CSMD1: variants seen among roughly 807,000 people sequenced by gnomAD.
The protein encoded by CSMD1 is CUB and sushi domain-containing protein 1.
A neutral mutation model predicts 417.5 loss-of-function variants in CSMD1; 213 were observed. The observed-to-expected ratio is 0.51, with a 90% confidence interval of 0.46 to 0.57. The LOEUF (loss-of-function observed/expected upper bound fraction) is 0.57. CSMD1 is among the 20% of genes least tolerant of loss of function. The pLI is 0.00. For synonymous variants in CSMD1, 2,862 were observed against 1,736.8 expected (o/e 1.65, Z -16.11); for missense variants, 6,923 against 4,529.7 (o/e 1.53, Z -15.17).
intron 2 of CSMD1, among the ~76,000 whole-genome samples, chr8:4,487,039 T>C (rs1404901409): frequency 6.6e-6 from 1 of 152,298 alleles, no homozygotes; most frequent in East Asian, 1.9e-4. Context: ...TGAAGAGAAT[T>C]GTAATATCTT....
At chr8:3,428,277 A>T (rs1453099931) in intron 12 of CSMD1, among the ~76,000 whole-genome samples, 2 of 152,176 alleles carry the variant, frequency 1.3e-5, no homozygotes, top group South Asian at 2.1e-4. Context: ...GAAAACAAAC[A>T]AACGGCTCTG....
intron 1 of CSMD1, among the ~76,000 whole-genome samples, chr8:4,647,229 G>A (rs1393301552): frequency 4.8e-5 from 7 of 144,770 alleles, no homozygotes; most frequent in East Asian, 2.1e-4. Context: ...CCAGTTTGCT[G>A]TTTCTATTTT....
At chr8:3,031,692 C>G (rs1292546316) in intron 50 of CSMD1, among the ~76,000 whole-genome samples, 1 of 151,892 alleles carries the variant, frequency 6.6e-6, no homozygotes, top group Admixed American at 6.6e-5. Flanking sequence ...GCCGCTGCAC[C>G]CAGCCAAAAA....
chr8:3,475,107 G>C (rs1289316704), intron 11 of CSMD1, among the ~76,000 whole-genome samples: 2 of 152,092 alleles, frequency 1.3e-5, no homozygotes, highest in Admixed American at 1.3e-4. Flanking sequence ...TGTATGGACT[G>C]TCAACTCTTC....
At chr8:3,565,684 G>C (rs1046989774) in intron 10 of CSMD1, among the ~76,000 whole-genome samples, 1 of 152,130 alleles carries the variant, frequency 6.6e-6, no homozygotes, top group African/African-American at 2.4e-5. Flanking sequence ...AAACATATCA[G>C]GATTTTCTTG....
At position 4,640,915 on chromosome 8, in the gene CSMD1, G is replaced by A. The variant is rs147786564; in HGVS notation, c.86-3357C>T. 3.3e-3 allele frequency among the ~76,000 whole-genome samples: 499 copies of A among 149,576 alleles called. 4 individuals carry two copies. The highest frequency in any genetic ancestry group is 0.012 in the African/African-American group (475 of 40,848). On this transcript the variant is annotated intron_variant, in intron 1 of 69. Coordinates refer to ENST00000635120, the MANE Select transcript of CSMD1 (RefSeq NM_033225.6). ...TCTTCTTCCTCCATAAACTGACACC[G>A]GAAGTCACCCTGAAATAAAATATCA...
intron 1 of CSMD1, among the ~76,000 whole-genome samples, chr8:4,753,597 G>C (rs574433472): frequency 5.9e-5 from 9 of 152,230 alleles, no homozygotes; most frequent in South Asian, 4.1e-4. Flanking sequence ...CCATGAACCT[G>C]ACATCCTCAC....
intron 2 of CSMD1, among the ~76,000 whole-genome samples, chr8:4,492,215 G>C (rs576937559): frequency 6.6e-6 from 1 of 152,266 alleles, no homozygotes; most frequent in African/African-American, 2.4e-5. Context: ...TCAGCCTCCT[G>C]AGCAGCTGGT....
chr8:3,416,156 C>T (rs1813132102), intron 12 of CSMD1, among the ~76,000 whole-genome samples: 1 of 104,994 alleles, frequency 9.5e-6, no homozygotes, highest in Non-Finnish European at 2.0e-5. Context: ...AAAAAATTAG[C>T]CGGGCGTGTT....
At chr8:3,830,202 G>C (rs1446443301) in intron 5 of CSMD1, among the ~76,000 whole-genome samples, 1 of 152,184 alleles carries the variant, frequency 6.6e-6, no homozygotes, top group African/African-American at 2.4e-5. Context: ...AACAAGGATT[G>C]TTTGAGGTAA....
At chr8:3,879,153 C>G (rs528097284) in intron 5 of CSMD1, among the ~76,000 whole-genome samples, 20 of 152,102 alleles carry the variant, frequency 1.3e-4, no homozygotes, top group Non-Finnish European at 2.2e-4. Context: ...TTAGTACTAT[C>G]AAAGCCTGGA....
chr8:4,746,061 G>T (rs1471755013), intron 1 of CSMD1, among the ~76,000 whole-genome samples: 2 of 152,184 alleles, frequency 1.3e-5, no homozygotes, highest in Non-Finnish European at 2.9e-5. Flanking sequence ...GATAATTTTT[G>T]TTACTGTCAG....
intron 22 of CSMD1, among the ~76,000 whole-genome samples, chr8:3,345,042 T>A (rs944981469): frequency 6.6e-6 from 1 of 152,084 alleles, no homozygotes; most frequent in Admixed American, 6.5e-5. Flanking sequence ...AAGGTGCAGG[T>A]CTCCCTAGGA....
At chr8:4,261,439 T>C (rs918156124) in intron 3 of CSMD1, among the ~76,000 whole-genome samples, 2 of 152,198 alleles carry the variant, frequency 1.3e-5, no homozygotes, top group Admixed American at 6.5e-5. Context: ...ATTGTCAAAG[T>C]TTACAAACTT....
chr8:3,556,415 T>TATATATATATATATACACATACATA (rs1799148435), intron 10 of CSMD1, among the ~76,000 whole-genome samples: 1 of 57,102 alleles, frequency 1.8e-5, no homozygotes, highest in African/African-American at 6.2e-5. Flanking sequence ...ATATATATAT[T>TATATATATATATATACACATACATA]CACACACACA....
At chr8:4,286,020 C>G (rs1797038379) in intron 3 of CSMD1, among the ~76,000 whole-genome samples, 2 of 152,150 alleles carry the variant, frequency 1.3e-5, no homozygotes, top group South Asian at 2.1e-4. Context: ...GTAAAAAGCT[C>G]TCTCTGCCTT....
chr8:4,284,580 C>G (rs1180722447), intron 3 of CSMD1, among the ~76,000 whole-genome samples: 1 of 152,118 alleles, frequency 6.6e-6, no homozygotes, highest in Non-Finnish European at 1.5e-5. Flanking sequence ...GCAGTCTAAG[C>G]AAAATATTTA....
chr8:3,780,837 C>G (rs892438321), intron 5 of CSMD1, among the ~76,000 whole-genome samples: 1 of 152,158 alleles, frequency 6.6e-6, no homozygotes, highest in African/African-American at 2.4e-5. Flanking sequence ...ACAATTTCCT[C>G]AATAATTTTC....
intron 1 of CSMD1, among the ~76,000 whole-genome samples, chr8:4,979,808 C>G (rs926317398): frequency 1.3e-5 from 2 of 152,022 alleles, no homozygotes; most frequent in Admixed American, 6.6e-5. Context: ...GAGGCTGAAG[C>G]GGGTGGATCA....
Sources: allele counts gnomAD v4.1 joint callset (sites outside exome capture counted in the v4.1 genomes callset), GRCh38; gene constraint gnomAD v4.1.1; transcripts MANE v1.5; gene names NCBI Gene and HGNC (gene_info 2026-07-23, HGNC 2026-07-21).